Variants in PLCXD3 observed in about 807,000 individuals in gnomAD.
The protein encoded by PLCXD3 is phosphatidylinositol specific phospholipase C X domain containing 3, also known as PI-PLC X domain-containing protein 3.
In PLCXD3, 19 loss-of-function variants were observed where a neutral mutation model predicts 25.5. The observed-to-expected ratio is 0.75, with a 90% confidence interval of 0.52 to 1.09. The LOEUF is 1.09. Ranked by LOEUF, PLCXD3 falls within the 50% of genes least tolerant of loss-of-function variation. The pLI is 0.00. For missense variants in PLCXD3, 411 were observed against 388.1 expected, an observed-to-expected ratio of 1.06 and a Z score of -0.50; for synonymous variants, 174 against 137.6, an observed-to-expected ratio of 1.26 and a Z score of -1.85.
intron 1 of PLCXD3, among the ~76,000 whole-genome samples, chr5:41,428,096 C>T (rs1467751294): frequency 6.6e-6 from 1 of 152,112 alleles, no homozygotes; most frequent in African/African-American, 2.4e-5. Context: ...GGCATTAAAA[C>T]CTAAACTTTG....
At chr5:41,462,382 A>G (rs902240172) in intron 1 of PLCXD3, among the ~76,000 whole-genome samples, 4 of 152,032 alleles carry the variant, frequency 2.6e-5, no homozygotes, top group Non-Finnish European at 4.4e-5. Flanking sequence ...AGACAATCCA[A>G]TGGAGATGGT....
intron 1 of PLCXD3, among the ~76,000 whole-genome samples, chr5:41,455,938 T>A (rs914963838): frequency 6.6e-6 from 1 of 151,926 alleles, no homozygotes; most frequent in Non-Finnish European, 1.5e-5. Context: ...TTAAAAACAA[T>A]GCATGTAAGA....
intron 2 of PLCXD3, among the ~76,000 whole-genome samples, chr5:41,326,919 A>C (rs1039494537): frequency 2.0e-5 from 3 of 152,212 alleles, no homozygotes; most frequent in African/African-American, 7.2e-5. Context: ...CAGGTGGCTC[A>C]AAGTTTAAGA....
chr5:41,480,151 T>C (rs1329101154), intron 1 of PLCXD3, among the ~76,000 whole-genome samples: 1 of 152,144 alleles, frequency 6.6e-6, no homozygotes, highest in African/African-American at 2.4e-5. Flanking sequence ...GGAATAAAAA[T>C]GATTTTTGCC....
chr5:41,477,937 ACT>A, intron 1 of PLCXD3, among the ~76,000 whole-genome samples: 1 of 152,192 alleles, frequency 6.6e-6, no homozygotes, highest in South Asian at 2.1e-4. Flanking sequence ...GTCACTCAAG[ACT>A]CTGCCAGGAG....
At chr5:41,323,265 AT>A (rs1258115434) in intron 2 of PLCXD3, among the ~76,000 whole-genome samples, 1 of 152,162 alleles carries the variant, frequency 6.6e-6, no homozygotes, top group African/African-American at 2.4e-5. Flanking sequence ...GTTAAAAAGT[AT>A]AAAAAAAAGT....
At chr5:41,372,812 G>A (rs1201900639) in intron 2 of PLCXD3, among the ~76,000 whole-genome samples, 1 of 152,114 alleles carries the variant, frequency 6.6e-6, no homozygotes, top group East Asian at 1.9e-4. Flanking sequence ...GGGAGGCTGA[G>A]GCAGGAGGAT....
chr5:41,508,704 T>A (rs1738939729), intron 1 of PLCXD3, among the ~76,000 whole-genome samples: 1 of 152,226 alleles, frequency 6.6e-6, no homozygotes, highest in Admixed American at 6.5e-5. Flanking sequence ...GCCAGAAGGT[T>A]TGCATCACAG....
At chr5:41,377,000 A>C (rs1372788793) in intron 2 of PLCXD3, among the ~76,000 whole-genome samples, 1 of 152,162 alleles carries the variant, frequency 6.6e-6, no homozygotes, top group Non-Finnish European at 1.5e-5. Flanking sequence ...GGGAGATAGC[A>C]TGATGTAATG....
chr5:41,377,912 G>A (rs1457434857), intron 2 of PLCXD3, among the ~76,000 whole-genome samples: 1 of 152,094 alleles, frequency 6.6e-6, no homozygotes, highest in Admixed American at 6.6e-5. Flanking sequence ...TCCAAACTGT[G>A]CAGATGAAAA....
chr5:41,508,873 C>T (rs1462490679), intron 1 of PLCXD3, among the ~76,000 whole-genome samples: 2 of 152,218 alleles, frequency 1.3e-5, no homozygotes, highest in Non-Finnish European at 2.9e-5. Context: ...TCTACTGTCT[C>T]CTTGAAAAGA....
chr5:41,408,945 G>C, intron 1 of PLCXD3, among the ~76,000 whole-genome samples: 1 of 152,154 alleles, frequency 6.6e-6, no homozygotes, highest in East Asian at 1.9e-4. Context: ...AAAAAGAGCA[G>C]ATTTTATTAA....
chr5:41,369,551 G>A (rs954663998), intron 2 of PLCXD3, among the ~76,000 whole-genome samples: 4 of 152,104 alleles, frequency 2.6e-5, no homozygotes, highest in African/African-American at 9.7e-5. Context: ...CTCCATCAGG[G>A]TCCACTGCAA....
intron 2 of PLCXD3, among the ~76,000 whole-genome samples, chr5:41,357,101 C>T (rs534200912): frequency 2.0e-5 from 3 of 152,302 alleles, no homozygotes; most frequent in Non-Finnish European, 2.9e-5. Context: ...ACAGAATCTG[C>T]TGGGTCACTT....
chr5:41,348,987 G>C (rs142099134), intron 2 of PLCXD3, among the ~76,000 whole-genome samples: 8 of 152,264 alleles, frequency 5.3e-5, no homozygotes, highest in Admixed American at 3.9e-4. Context: ...CCAGTAGTTG[G>C]ATCTAAAACC....
At chr5:41,492,368 T>A in intron 1 of PLCXD3, among the ~76,000 whole-genome samples, 1 of 152,110 alleles carries the variant, frequency 6.6e-6, no homozygotes, top group Non-Finnish European at 1.5e-5. Flanking sequence ...GCCCTTAACA[T>A]TTTTTCCTTC....
chr5:41,438,421 G>A (rs867732571), intron 1 of PLCXD3, among the ~76,000 whole-genome samples: 1 of 152,080 alleles, frequency 6.6e-6, no homozygotes, highest in Non-Finnish European at 1.5e-5. Flanking sequence ...CCCTTTCCCC[G>A]ACTAGTTCTC....
chr5:41,331,515 G>C (rs546076213), intron 2 of PLCXD3, among the ~76,000 whole-genome samples: 91 of 152,246 alleles, frequency 6.0e-4, no homozygotes, highest in African/African-American at 2.1e-3. Flanking sequence ...TGGCCATACT[G>C]CCCAAGGTAA....
chr5:41,400,503 G>T (rs982078691), intron 1 of PLCXD3, among the ~76,000 whole-genome samples: 2 of 152,174 alleles, frequency 1.3e-5, no homozygotes, highest in South Asian at 2.1e-4. Context: ...GTACTATTCA[G>T]CCACATAGAA....
Sources: allele counts gnomAD v4.1 joint callset (sites outside exome capture counted in the v4.1 genomes callset), GRCh38; gene constraint gnomAD v4.1.1; transcripts MANE v1.5; gene names NCBI Gene and HGNC (gene_info 2026-07-23, HGNC 2026-07-21).